Variants in HHIP observed in about 807,000 individuals in gnomAD.
HHIP encodes hedgehog-interacting protein.
Under a neutral mutation model 74.0 loss-of-function variants are expected in HHIP, and 12 were observed. The observed-to-expected ratio is 0.16, with a 90% confidence interval of 0.10 to 0.26. The LOEUF is 0.26. Among genes scored for constraint, HHIP ranks in the 10% least tolerant of loss-of-function variants. The pLI is 1.00. For missense variants in HHIP, 788 were observed against 845.0 expected (o/e 0.93, Z 0.84); for synonymous variants, 309 against 311.6 (o/e 0.99, Z 0.09).
At chr4:144,682,959 A>G (rs1338437058) in intron 4 of HHIP, among the ~76,000 whole-genome samples, 4 of 152,202 alleles carry the variant, frequency 2.6e-5, no homozygotes, top group Non-Finnish European at 5.9e-5. Context: ...GCTTGGATAT[A>G]TTTGCGTTTA....
intron 4 of HHIP, chr4:144,660,385 A>G (rs914968542): frequency 6.5e-6 from 1 of 153,340 alleles, no homozygotes; most frequent in African/African-American, 2.4e-5. Context: ...CTCATTTTAA[A>G]TAACCTAGGT....
chr4:144,652,578 A>G, intron 1 of HHIP, 27 bp from the exon 2 acceptor site: 1 of 1,464,468 alleles, frequency 6.8e-7, no homozygotes, highest in Non-Finnish European at 9.4e-7. Flanking sequence ...TACTAAAAAA[A>G]GTTTGCTTCT....
rs114383704 is a variant in HHIP, at chr4:144,669,576, A to G, written c.831+9738A>G. Among the ~76,000 whole-genome samples the G allele has an allele frequency of 5.3e-3, 815 of 152,354 alleles. 7 individuals are homozygous for G. Among genetic ancestry groups the G allele is most frequent in the African/African-American group, 0.019 (794 of 41,572 alleles). ...TCTATTAAAAATAACAACTTGTTTA[A>G]GATAAAATATGTGCTAATTACTCTA... On this transcript the variant is annotated intron_variant, in intron 4 of 12. Coordinates refer to ENST00000296575, the MANE Select transcript of HHIP (RefSeq NM_022475.3).
Position 144,646,273 on chromosome 4 carries a change from G to A in HHIP, c.-403G>A. On this transcript the variant is annotated 5_prime_UTR_variant, in exon 1 of 13. Transcript: ENST00000296575. ...CGCCGCCGTCGCCGTTTCTGTTCCT[G>A]CTACTGTCCCACCTAAACAACTCCC... 5.8e-6 allele frequency: 1 copy of A among 172,784 alleles called. No homozygotes were observed. Among genetic ancestry groups the A allele is most frequent in the Non-Finnish European group, 1.2e-5 (1 of 81,598 alleles). 10.7% of individuals were successfully genotyped at this position (172,784 alleles called of 1,614,324 possible).
In HHIP at chr4:144,696,789, T is replaced by C. The variant is rs1405467921; in HGVS notation, c.832-9742T>C. Among the ~76,000 whole-genome samples, 5 of 151,894 alleles carry C rather than the reference T, an allele frequency of 3.3e-5. No individual in the cohort carries two copies. In the East Asian group the frequency reaches 5.8e-4, roughly 18 times the overall value. ...GTTTAAACAGAATATTGCTTGAAAA[T>C]CACTCAGCACAGTCTCTGTCACGCA... On this transcript the variant is annotated intron_variant, in intron 4 of 12. Coordinates refer to ENST00000296575, the MANE Select transcript of HHIP (RefSeq NM_022475.3).
intron 11 of HHIP, among the ~76,000 whole-genome samples, chr4:144,728,963 C>T (rs1730874107): frequency 6.6e-6 from 1 of 152,092 alleles, no homozygotes. Flanking sequence ...CATTCTACTC[C>T]TTATAAGTAA....
chr4:144,720,985 A>T lies in HHIP; in HGVS notation c.1760+2029A>T, dbSNP rs116268207. ...GTGTTAGGGTAGAATTGTTTTTCTA[A>T]AATTTTTGAGGTAGAATTTTAAAAA... On this transcript the variant is annotated intron_variant, in intron 11 of 12. Transcript: ENST00000296575. Among the ~76,000 whole-genome samples the T allele has an allele frequency of 4.2e-3, 644 of 152,236 alleles. 6 individuals are homozygous for T. The highest frequency in any genetic ancestry group is 0.015 in the African/African-American group (607 of 41,548).
chr4:144,735,971 T>C (rs1731104938), intron 12 of HHIP, among the ~76,000 whole-genome samples: 1 of 152,146 alleles, frequency 6.6e-6, no homozygotes, highest in Non-Finnish European at 1.5e-5. Context: ...GTAATTACAT[T>C]ATTTAAAACA....
chr4:144,669,946 C>G (rs1387078853), intron 4 of HHIP, among the ~76,000 whole-genome samples: 1 of 149,462 alleles, frequency 6.7e-6, no homozygotes. Flanking sequence ...TCCAGACTAT[C>G]CTGACAAACA....
chr4:144,681,703 G>A (rs974293177), intron 4 of HHIP, among the ~76,000 whole-genome samples: 2 of 152,168 alleles, frequency 1.3e-5, no homozygotes, highest in Admixed American at 6.5e-5. Context: ...GATTACAGGC[G>A]TGAGCCACTG....
chr4:144,729,631 A>C (rs990322211), intron 11 of HHIP, among the ~76,000 whole-genome samples: 1 of 152,230 alleles, frequency 6.6e-6, no homozygotes, highest in African/African-American at 2.4e-5. Flanking sequence ...AGAATGAAAG[A>C]AAGCATGGAA....
chr4:144,652,769 C>T lies in HHIP; in HGVS notation c.444C>T (p.Phe148=). The T allele has an allele frequency of 6.3e-7, 1 of 1,598,422 alleles. No individual in the cohort carries two copies. Residue 148 remains phenylalanine, a synonymous_variant, in exon 2 of 13, where the codon TTC becomes TTT. Coordinates refer to ENST00000296575, the MANE Select transcript of HHIP (RefSeq NM_022475.3). ...TCTGCAAAGACTATTGCAAAGAATTCTTTTACACTTGCCGAGGCCATATTC... is the reference window on the plus strand; with the variant it reads ...TCTGCAAAGACTATTGCAAAGAATTTTTTTACACTTGCCGAGGCCATATTC... ...PLLCKDYCKE[F]FYTCRGHIPG... is the part of the protein sequence containing the mutation.
intron 4 of HHIP, among the ~76,000 whole-genome samples, chr4:144,690,354 A>G (rs890491967): frequency 4.6e-5 from 7 of 152,222 alleles, no homozygotes; most frequent in African/African-American, 1.4e-4. Context: ...ACAAAGTGAT[A>G]TGATGGTAGT....
intron 4 of HHIP, among the ~76,000 whole-genome samples, chr4:144,673,437 G>A (rs908345956): frequency 3.3e-5 from 5 of 152,092 alleles, no homozygotes; most frequent in Non-Finnish European, 5.9e-5. Flanking sequence ...TAATGAAGAG[G>A]GCTCACTCTA....
rs1731283505 is a variant in HHIP, at chr4:144,742,520, A to G, written c.*4563A>G. On this transcript the variant is annotated 3_prime_UTR_variant, in exon 13 of 13. Coordinates refer to ENST00000296575, the MANE Select transcript of HHIP (RefSeq NM_022475.3). ...TTCTCTATGGAATAATTTTAAGAAA[A>G]TTATTCCAAATCTGTGAGGAAAAAA... 6.6e-6 allele frequency: 1 copy of G among 151,980 alleles called. No individual in the cohort carries two copies. The highest frequency in any genetic ancestry group is 2.4e-5 in the African/African-American group (1 of 41,392). The allele number at this position is 151,980 out of a possible 1,614,324, so 9.4% of individuals were successfully genotyped here. A position where few individuals can be genotyped will look rare whatever the true frequency, so the allele number is the denominator to read the frequency against.
intron 4 of HHIP, chr4:144,685,669 A>G (rs1424601196): frequency 6.6e-6 from 1 of 152,184 alleles, no homozygotes; most frequent in East Asian, 1.9e-4. Context: ...ACAACTACCA[A>G]TAAAAGAAAA....
Position 144,737,917 on chromosome 4 carries a change from T to A in HHIP, c.2063T>A (p.Met688Lys), listed in dbSNP as rs1731163372. The A allele has an allele frequency of 6.2e-7, 1 of 1,612,640 alleles. No individual in the cohort carries two copies. The highest frequency in any genetic ancestry group is 8.5e-7 in the Non-Finnish European group (1 of 1,179,234). The change falls in exon 13 of 13, where the codon ATG becomes AAG. Residue 688 changes from methionine (M) to lysine (K), a missense_variant. Transcript: ENST00000296575. ...RAGILDQIID[M>K]TSYLLDLTSY... is the part of the protein sequence containing the mutation. ...GGTATTCTTGATCAGATCATTGACATGACATCTTACTTGCTGGATCTAACA... is the reference window on the plus strand; with the variant it reads ...GGTATTCTTGATCAGATCATTGACAAGACATCTTACTTGCTGGATCTAACA...
chr4:144,652,356 T>C (rs1287614989), intron 1 of HHIP, among the ~76,000 whole-genome samples: 1 of 152,112 alleles, frequency 6.6e-6, no homozygotes, highest in Non-Finnish European at 1.5e-5. Flanking sequence ...GAAGTACAGA[T>C]GAAATCTTTG....
chr4:144,737,653 C>T (rs1475287157), intron 12 of HHIP, 111 bp from the exon 13 acceptor site: 27 of 898,868 alleles, frequency 3.0e-5, no homozygotes, highest in Non-Finnish European at 4.2e-5. Flanking sequence ...CTATCTCCCT[C>T]CTTTTTTCCC....
Sources: allele counts gnomAD v4.1 joint callset (sites outside exome capture counted in the v4.1 genomes callset), GRCh38; gene constraint gnomAD v4.1.1; transcripts MANE v1.5; gene names NCBI Gene and HGNC (gene_info 2026-07-23, HGNC 2026-07-21).